The following PTK2 variants were observed in gnomAD, a reference collection of about 807,000 sequenced individuals.
PTK2 encodes focal adhesion kinase 1.
PTK2 carries 45 observed loss-of-function variants against 150.1 expected under a neutral mutation model. The observed-to-expected ratio is 0.30, with a 90% CI of 0.24 to 0.38. The LOEUF is 0.38. Among genes scored for constraint, PTK2 ranks in the 10% least tolerant of loss-of-function variants. The probability of loss-of-function intolerance (pLI) is 1.00; values close to 1 mark genes in which losing one functional copy is unlikely to be tolerated. For missense variants in PTK2, 919 were observed against 1,307.3 expected, an observed-to-expected ratio of 0.70 and a Z score of 4.58; for synonymous variants, 432 against 449.2, an observed-to-expected ratio of 0.96 and a Z score of 0.48.
intron 1 of PTK2, among the ~76,000 whole-genome samples, chr8:140,927,961 A>T (rs868160690): frequency 3.1e-4 from 10 of 32,756 alleles, no homozygotes; most frequent in East Asian, 2.5e-3. Flanking sequence ...AAAAAAAGAA[A>T]AAAAAAAAAA....
At chr8:140,703,297 G>C (rs1373885159) in intron 24 of PTK2, among the ~76,000 whole-genome samples, 1 of 152,092 alleles carries the variant, frequency 6.6e-6, no homozygotes, top group Non-Finnish European at 1.5e-5. Context: ...TCTGGTTTCA[G>C]AACATGGAGT....
chr8:140,904,112 A>T (rs1322804365), intron 2 of PTK2, among the ~76,000 whole-genome samples: 1 of 152,200 alleles, frequency 6.6e-6, no homozygotes, highest in Non-Finnish European at 1.5e-5. Context: ...GCTTTTGCCC[A>T]TTCAGTATGG....
At chr8:140,798,843 G>A (rs1192876979) in intron 12 of PTK2, among the ~76,000 whole-genome samples, 1 of 152,100 alleles carries the variant, frequency 6.6e-6, no homozygotes, top group Admixed American at 6.6e-5. Flanking sequence ...AGTATAAAGT[G>A]CGACACTGGA....
chr8:140,922,712 A>G (rs914771497), intron 2 of PTK2, among the ~76,000 whole-genome samples: 1 of 152,216 alleles, frequency 6.6e-6, no homozygotes, highest in Admixed American at 6.5e-5. Context: ...TAATTTTCAC[A>G]TCTTTTAAAC....
intron 1 of PTK2, among the ~76,000 whole-genome samples, chr8:140,938,447 G>GC (rs377728432): frequency 3.3e-4 from 50 of 152,222 alleles, no homozygotes; most frequent in African/African-American, 1.1e-3. Context: ...AGAGAACACC[G>GC]CCCCACTCCT....
intron 10 of PTK2, among the ~76,000 whole-genome samples, 182 bp downstream of exon 10, chr8:140,818,095 T>A (rs2100105830): frequency 6.6e-6 from 1 of 152,198 alleles, no homozygotes; most frequent in Non-Finnish European, 1.5e-5. Context: ...ACTAAGTAAT[T>A]CCGAGGTATT....
At chr8:140,846,372 T>C in intron 6 of PTK2, 50 bp from the exon 7 acceptor site, 1 of 1,556,294 alleles carries the variant, frequency 6.4e-7, no homozygotes, top group Non-Finnish European at 8.8e-7. Context: ...GGAATGTTTG[T>C]GTTGTTAAGT....
At position 140,795,933 on chromosome 8, in the gene PTK2, C is replaced by T. The variant is rs111284276; in HGVS notation, c.1094-2549G>A. On this transcript the variant is annotated intron_variant, in intron 12 of 31. Transcript: ENST00000522684. Reference sequence around the variant, plus strand: ...CAAAGCTCAATTCAAGTTCTATTTCCGGCAGAGAGCCCTTCCTGGAATACC... The same window carrying T: ...CAAAGCTCAATTCAAGTTCTATTTCTGGCAGAGAGCCCTTCCTGGAATACC... Among the ~76,000 whole-genome samples the T allele has an allele frequency of 4.8e-3, 726 of 152,314 alleles. 9 individuals are homozygous for T. The highest frequency in any genetic ancestry group is 0.016 in the African/African-American group (653 of 41,570).
At chr8:140,837,016 C>T (rs1489312670) in intron 7 of PTK2, among the ~76,000 whole-genome samples, 1 of 152,052 alleles carries the variant, frequency 6.6e-6, no homozygotes, top group Non-Finnish European at 1.5e-5. Flanking sequence ...ATTAGAAATC[C>T]TAATTTTAAC....
chr8:140,868,011 C>T (rs1427186194), intron 4 of PTK2, among the ~76,000 whole-genome samples: 1 of 152,238 alleles, frequency 6.6e-6, no homozygotes, highest in Admixed American at 6.5e-5. Context: ...GGATTCCCAA[C>T]AGCAGCTAAA....
chr8:140,929,681 A>G (rs1448454124), intron 1 of PTK2, among the ~76,000 whole-genome samples: 1 of 152,162 alleles, frequency 6.6e-6, no homozygotes, highest in Non-Finnish European at 1.5e-5. Context: ...CCCTAAATTT[A>G]AAGGTCCATT....
intron 1 of PTK2, among the ~76,000 whole-genome samples, chr8:140,989,807 T>C (rs376956155): frequency 2.0e-5 from 3 of 150,058 alleles, no homozygotes; most frequent in African/African-American, 4.9e-5. Flanking sequence ...ACTCAGGAGG[T>C]TGAGGCAGGA....
At chr8:140,672,123 GTAA>G (rs1179959298) in intron 29 of PTK2, 1 of 451,592 alleles carries the variant, frequency 2.2e-6, no homozygotes, top group Non-Finnish European at 4.4e-6. Flanking sequence ...GTTTTTCATT[GTAA>G]TACAAGCCAT....
chr8:140,761,937 C>G (rs891767972), intron 15 of PTK2, among the ~76,000 whole-genome samples: 5 of 151,964 alleles, frequency 3.3e-5, no homozygotes, highest in African/African-American at 1.2e-4. Context: ...TTGTAATATA[C>G]AAAATCGATT....
intron 14 of PTK2, among the ~76,000 whole-genome samples, chr8:140,778,607 T>C (rs955410214): frequency 3.3e-5 from 5 of 152,224 alleles, no homozygotes; most frequent in Non-Finnish European, 2.9e-5. Flanking sequence ...GTGGTTGTGC[T>C]ATTCGCTTTA....
intron 26 of PTK2, among the ~76,000 whole-genome samples, chr8:140,694,586 C>T (rs563999302): frequency 1.3e-5 from 2 of 152,250 alleles, no homozygotes; most frequent in Non-Finnish European, 2.9e-5. Flanking sequence ...CACACAGCTT[C>T]AACAATGACC....
intron 1 of PTK2, among the ~76,000 whole-genome samples, chr8:140,929,801 TTAAA>T (rs756000278): frequency 7.2e-5 from 11 of 152,170 alleles, no homozygotes; most frequent in Non-Finnish European, 1.5e-4. Flanking sequence ...TTCTCGTCGG[TTAAA>T]TAAAGTTTAA....
chr8:140,661,888 G>A (rs751170254), intron 31 of PTK2, among the ~76,000 whole-genome samples: 2 of 152,242 alleles, frequency 1.3e-5, no homozygotes, highest in Non-Finnish European at 2.9e-5. Context: ...TGCCATGTGA[G>A]GAGGTGGCCC....
rs192193972 is a variant in PTK2, at chr8:140,995,736, T to A, written c.-122+5389A>T. ...AAGGTTTCAGTGAGCCAACATTGCA[T>A]CACTGCACTCCAGCCTGGGGCACAA... On this transcript the variant is annotated intron_variant, in intron 1 of 31. Coordinates refer to ENST00000522684, the Ensembl canonical transcript of PTK2. Among the ~76,000 whole-genome samples, 140 of 150,980 alleles carry A rather than the reference T, an allele frequency of 9.3e-4. 1 individual carries two copies. The highest frequency in any genetic ancestry group is 3.3e-3 in the African/African-American group (136 of 41,076).
Sources: allele counts gnomAD v4.1 joint callset (sites outside exome capture counted in the v4.1 genomes callset), GRCh38; gene constraint gnomAD v4.1.1; transcripts MANE v1.5; gene names NCBI Gene and HGNC (gene_info 2026-07-23, HGNC 2026-07-21).